The following FRAS1 variants were observed in gnomAD, a reference collection of about 807,000 sequenced individuals.
The protein encoded by FRAS1 is Fraser extracellular matrix complex subunit 1, also known as extracellular matrix organizing protein FRAS1.
Under a neutral mutation model 435.2 loss-of-function variants are expected in FRAS1, and 290 were observed. The ratio of observed to expected loss-of-function variants is 0.67; its 90% CI spans 0.61 to 0.73. The LOEUF (loss-of-function observed/expected upper bound fraction) is 0.73, where lower values mean the gene tolerates loss of function less well. FRAS1 is among the 30% of genes least tolerant of loss of function. FRAS1 has a pLI of 0.00. For synonymous variants in FRAS1, 1,800 were observed against 1,851.0 expected (o/e 0.97, Z 0.71); for missense variants, 4,860 against 5,001.5 (o/e 0.97, Z 0.85).
At chr4:78,486,370 A>G (rs1220791771) in intron 58 of FRAS1, among the ~76,000 whole-genome samples, 2 of 152,228 alleles carry the variant, frequency 1.3e-5, no homozygotes, top group Non-Finnish European at 2.9e-5. Context: ...ATTTTAGGAT[A>G]CAAGACTTCC....
intron 58 of FRAS1, among the ~76,000 whole-genome samples, chr4:78,487,683 TA>T (rs1278766529): frequency 1.3e-5 from 2 of 152,216 alleles, no homozygotes; most frequent in African/African-American, 2.4e-5. Context: ...AACCATAATA[TA>T]TTAATTCCTA....
chr4:78,376,977 G>A (rs1731790816), intron 26 of FRAS1, among the ~76,000 whole-genome samples: 1 of 152,126 alleles, frequency 6.6e-6, no homozygotes. Flanking sequence ...CTGGGTGACA[G>A]AGTGAGACTC....
intron 31 of FRAS1, 117 bp downstream of exon 31, chr4:78,407,958 G>T (rs553979029): frequency 2.3e-6 from 2 of 866,446 alleles, no homozygotes; most frequent in East Asian, 2.8e-5. Flanking sequence ...TTTGGGGGAC[G>T]TGTTAGTTCA....
Position 78,387,660 on chromosome 4 carries a change from T to G in FRAS1, c.3934T>G (p.Ser1312Ala). 2 of 1,594,326 alleles carry G rather than the reference T, an allele frequency of 1.3e-6. No homozygotes were observed. Among genetic ancestry groups the G allele is most frequent in the South Asian group, 2.3e-5 (2 of 87,078 alleles). ...AGTCTTGCAGGCCAATGATGGACAC[T>G]CCTTCCATAATATACTGTTCCAAGT... is the stretch of plus-strand genomic sequence containing the variant. ...VAVLQANDGH[S>A]FHNILFQVKT... The change falls in exon 29 of 74, where the codon TCC becomes GCC. Residue 1312 changes from serine to alanine, a missense_variant. Physicochemically the swap from Ser to Ala is moderately conservative, Grantham distance 99 (BLOSUM62 1). Coordinates refer to ENST00000512123, the MANE Select transcript of FRAS1 (RefSeq NM_025074.7).
At position 78,515,218 on chromosome 4, in the gene FRAS1, G is replaced by A. The variant is rs552534835; in HGVS notation, c.10175-581G>A. 5.6e-4 allele frequency among the ~76,000 whole-genome samples: 85 copies of A among 151,986 alleles called. 1 individual carries two copies. Among genetic ancestry groups the A allele is most frequent in the Middle Eastern group, 3.4e-3 (1 of 294 alleles). ...TGCCTGGCACAGGTGAGAGTTACAG[G>A]CATCATTAGTGACCTATTTACTCAC... On this transcript the variant is annotated intron_variant, in intron 65 of 73. Coordinates refer to ENST00000512123, the MANE Select transcript of FRAS1 (RefSeq NM_025074.7).
At position 78,203,814 on chromosome 4, in the gene FRAS1, C is replaced by T. The variant is rs184345938; in HGVS notation, c.109-33696C>T. Reference sequence around the variant, plus strand: ...AACTCCTGACCTCAGGTGATCCGCCCGCCTCGGGCTCCCAAAGTGCTGGGA... The same window carrying T: ...AACTCCTGACCTCAGGTGATCCGCCTGCCTCGGGCTCCCAAAGTGCTGGGA... On this transcript the variant is annotated intron_variant, in intron 2 of 73. Coordinates refer to ENST00000512123, the MANE Select transcript of FRAS1 (RefSeq NM_025074.7). 3.1e-3 allele frequency among the ~76,000 whole-genome samples: 469 copies of T among 152,240 alleles called. 4 individuals are homozygous for T. Among genetic ancestry groups the T allele is most frequent in the African/African-American group, 9.9e-3 (410 of 41,558 alleles).
In FRAS1 at chr4:78,068,560, G is replaced by A. The variant is rs761825310; in HGVS notation, c.108+2544G>A. 17 of 456,176 alleles carry A rather than the reference G, an allele frequency of 3.7e-5. 1 individual carries two copies. Among genetic ancestry groups the A allele is most frequent in the South Asian group, 2.6e-4 (17 of 64,570 alleles). 28.3% of individuals were successfully genotyped at this position (456,176 alleles called of 1,614,324 possible). A position where few individuals can be genotyped will look rare whatever the true frequency, so the allele number is the denominator to read the frequency against. On this transcript the variant is annotated intron_variant, in intron 2 of 73. Transcript: ENST00000512123. ...TTTAGCTTGTCCTTTCAGGAAGGTGGATGAGCCATTGGAGGTGCCAGAGAG... is the reference window on the plus strand; with the variant it reads ...TTTAGCTTGTCCTTTCAGGAAGGTGAATGAGCCATTGGAGGTGCCAGAGAG...
chr4:78,441,200 T>C lies in FRAS1; in HGVS notation c.5568T>C (p.His1856=), dbSNP rs746537215. The change falls in exon 41 of 74, where the codon CAT becomes CAC. Residue 1856 remains histidine, a synonymous_variant. Coordinates refer to ENST00000512123, the MANE Select transcript of FRAS1 (RefSeq NM_025074.7). ...EGGRAPLSFH[H]FFATDDDDNL... The stretch of plus-strand genomic sequence containing the variant: ...GGAGAGCACCACTCTCATTTCACCA[T>C]TTTTTTGCTACTGATGATGATGACA... The C allele has an allele frequency of 6.2e-7, 1 of 1,612,634 alleles. No individual in the cohort carries two copies. The highest frequency in any genetic ancestry group is 1.3e-5 in the African/African-American group (1 of 74,886).
chr4:78,092,703 G>A (rs942848089), intron 2 of FRAS1, among the ~76,000 whole-genome samples: 6 of 152,142 alleles, frequency 3.9e-5, no homozygotes, highest in South Asian at 2.1e-4. Flanking sequence ...GAGCTTTTCC[G>A]TGGTCCTAGG....
At chr4:78,213,877 C>T (rs1176264206) in intron 2 of FRAS1, among the ~76,000 whole-genome samples, 1 of 152,188 alleles carries the variant, frequency 6.6e-6, no homozygotes, top group African/African-American at 2.4e-5. Flanking sequence ...AAGTTAGTCA[C>T]CTACAAGTAG....
intron 2 of FRAS1, among the ~76,000 whole-genome samples, chr4:78,229,695 T>C (rs1207356517): frequency 7.2e-6 from 1 of 138,366 alleles, no homozygotes; most frequent in African/African-American, 2.8e-5. Flanking sequence ...TGATATTATA[T>C]GATAACAGCA....
chr4:78,299,416 T>A (rs1334915661), intron 14 of FRAS1, among the ~76,000 whole-genome samples: 1 of 152,208 alleles, frequency 6.6e-6, no homozygotes, highest in Non-Finnish European at 1.5e-5. Context: ...ACCTTTTGTT[T>A]GTGGAGCATG....
chr4:78,318,929 G>T lies in FRAS1; in HGVS notation c.2080G>T (p.Glu694Ter), dbSNP rs773007418. 3 of 1,613,974 alleles carry T rather than the reference G, an allele frequency of 1.9e-6. No individual in the cohort carries two copies. The highest frequency in any genetic ancestry group is 2.5e-6 in the Non-Finnish European group (3 of 1,179,870). ...QLSDVGIPSG[E>*]CLAQCRAHFY... ...GTCTGACGTGGGCATCCCCTCTGGC[G>T]AGTGTCTAGCCCAGTGTAGAGCCCA... The change falls in exon 18 of 74, where the codon GAG (glutamate) becomes TAG (stop). Residue 694 changes from glutamate to a stop codon, truncating the protein, a stop_gained. Coordinates refer to ENST00000512123, the MANE Select transcript of FRAS1 (RefSeq NM_025074.7). LOFTEE classifies it high-confidence loss of function.
At chr4:78,237,416 A>C (rs756259352) in intron 2 of FRAS1, 94 bp from the exon 3 acceptor site, 6 of 821,656 alleles carry the variant, frequency 7.3e-6, no homozygotes, top group Non-Finnish European at 1.2e-5. Context: ...TTGTCTTGTA[A>C]TTGTCCAGGA....
chr4:78,304,108 G>A (rs983198093), intron 14 of FRAS1, among the ~76,000 whole-genome samples: 17 of 149,312 alleles, frequency 1.1e-4, no homozygotes, highest in Admixed American at 6.6e-4. Flanking sequence ...CATCTATTAA[G>A]ATAATCATGT....
At chr4:78,429,303 G>T in intron 36 of FRAS1, 77 bp downstream of exon 36, 1 of 1,482,630 alleles carries the variant, frequency 6.7e-7, no homozygotes, top group South Asian at 1.4e-5. Flanking sequence ...ACCTCTTGAT[G>T]GTTGCCAAAA....
In FRAS1 at chr4:78,249,048, GATATATATATATATGCATAT is replaced by G. The variant is rs1553934020; in HGVS notation, c.310-3329_310-3310del. On this transcript the variant is annotated intron_variant, in intron 4 of 73. Coordinates refer to ENST00000512123, the MANE Select transcript of FRAS1 (RefSeq NM_025074.7). Reference sequence around the variant, plus strand: ...TCATAAACGTGTATGAAGAACTACTGATATATATATATATGCATATATATATATATATATATATGCATGTG... The same window carrying G: ...TCATAAACGTGTATGAAGAACTACTGATATATATATATATATATGCATGTG... Among the ~76,000 whole-genome samples the G allele has an allele frequency of 2.9e-4, 8 of 27,544 alleles. No individual in the cohort carries two copies. The East Asian group carries it at 9.0e-3, about 31-fold the overall frequency. The allele number at this position is 27,544 out of a possible 152,430, so 18.1% of individuals were successfully genotyped here.
chr4:78,474,996 C>T (rs1174865602), intron 53 of FRAS1, among the ~76,000 whole-genome samples: 2 of 152,188 alleles, frequency 1.3e-5, no homozygotes, highest in Admixed American at 6.5e-5. Context: ...CTGACTCCAT[C>T]ACACAGTTCC....
chr4:78,098,717 C>T (rs933834561), intron 2 of FRAS1, among the ~76,000 whole-genome samples: 23 of 152,178 alleles, frequency 1.5e-4, no homozygotes, highest in Admixed American at 1.3e-3. Flanking sequence ...CCCCTTAATT[C>T]CCTAAATAGG....
Sources: allele counts gnomAD v4.1 joint callset (sites outside exome capture counted in the v4.1 genomes callset), GRCh38; gene constraint gnomAD v4.1.1; transcripts MANE v1.5; gene names NCBI Gene and HGNC (gene_info 2026-07-23, HGNC 2026-07-21).